The following FAM171A1 variants were observed in gnomAD, a reference collection of about 807,000 sequenced individuals.
The protein encoded by FAM171A1 is family with sequence similarity 171 member A1, also known as protein FAM171A1.
A neutral mutation model predicts 74.9 loss-of-function variants in FAM171A1; 23 were observed. That is an observed-to-expected ratio of 0.31 (90% CI 0.22 to 0.44). FAM171A1 has a LOEUF of 0.44. FAM171A1 is among the 20% of genes least tolerant of loss of function. The pLI is 1.00. For synonymous variants in FAM171A1, 527 were observed against 505.7 expected, an observed-to-expected ratio of 1.04 and a Z score of -0.57; for missense variants, 1,162 against 1,159.2, an observed-to-expected ratio of 1.00 and a Z score of -0.03.
At chr10:15,363,217 T>G (rs1836017403) in intron 1 of FAM171A1, among the ~76,000 whole-genome samples, 1 of 152,206 alleles carries the variant, frequency 6.6e-6, no homozygotes, top group African/African-American at 2.4e-5. Flanking sequence ...AAGGCCGGGC[T>G]TAGTCATCCA....
Position 15,213,374 on chromosome 10 carries a change from G to A in FAM171A1, c.2214C>T (p.Ala738=), listed in dbSNP as rs1346354022. 1 of 1,614,136 alleles carries A rather than the reference G, an allele frequency of 6.2e-7. No homozygotes were observed. Among genetic ancestry groups the A allele is most frequent in the South Asian group, 1.1e-5 (1 of 91,084 alleles). ...TCATATCTACGCCAGAGTCCAAACT[G>A]GCATCATTACTTCCGTTCCTTCCAG... ...QRAGRNGSND[A]SLDSGVDMNE... is the part of the protein sequence containing the mutation. The change falls in exon 8 of 8, where the codon GCC becomes GCT. Residue 738 remains alanine, a synonymous_variant. Transcript: ENST00000378116. The surrounding 1 kb of genome is among the most constrained non-coding windows in gnomAD (Gnocchi z 6.8).
chr10:15,213,723 T>C lies in FAM171A1; in HGVS notation c.1865A>G (p.His622Arg), dbSNP rs758805132. ...GGACGGGTGTGGGAAGATCCCGGCA[T>C]GGGGATTGGACAGCTCAGCCTGTAG... ...ERLQAELSNP[H>R]AGIFPHPSSQ... The change falls in exon 8 of 8, where the codon CAT (histidine) becomes CGT (arginine). Residue 622 changes from histidine to arginine, a missense_variant. Physicochemically the swap from His to Arg is conservative, Grantham distance 29. Coordinates refer to ENST00000378116, the MANE Select transcript of FAM171A1 (RefSeq NM_001010924.2). This position sits in a 1 kb window ranked among gnomAD's most constrained non-coding sequence, Gnocchi z 6.8. 6.2e-7 allele frequency: 1 copy of C among 1,612,582 alleles called. No homozygotes were observed. Among genetic ancestry groups the C allele is most frequent in the Admixed American group, 1.7e-5 (1 of 59,982 alleles).
intron 5 of FAM171A1, among the ~76,000 whole-genome samples, chr10:15,222,898 G>C (rs1834057508): frequency 6.6e-6 from 1 of 152,262 alleles, no homozygotes; most frequent in Non-Finnish European, 1.5e-5. Flanking sequence ...GCTCCAGAAA[G>C]AGCAGACTGT....
At chr10:15,231,859 A>AG (rs1219547208) in intron 5 of FAM171A1, among the ~76,000 whole-genome samples, 1 of 152,112 alleles carries the variant, frequency 6.6e-6, no homozygotes, top group African/African-American at 2.4e-5. Flanking sequence ...CCTAGGTGGA[A>AG]GGGTCTCCTG....
intron 1 of FAM171A1, among the ~76,000 whole-genome samples, chr10:15,312,201 G>A (rs1010181122): frequency 6.6e-6 from 1 of 152,116 alleles, no homozygotes; most frequent in South Asian, 2.1e-4. Context: ...AGGATCAAAA[G>A]CCCCCTGCTT....
intron 1 of FAM171A1, among the ~76,000 whole-genome samples, chr10:15,333,899 G>C (rs1273130472): frequency 1.3e-5 from 2 of 151,576 alleles, no homozygotes; most frequent in African/African-American, 4.8e-5. Flanking sequence ...CACCTATACT[G>C]GCCGTCTTTT....
Position 15,214,238 on chromosome 10 carries a change from A to G in FAM171A1, c.1350T>C (p.Ser450=). ...SQISFDNLTP[S]GTLGKDYHKS... is the part of the protein sequence containing the mutation. ...TATGGTAGTCTTTCCCCAGCGTCCC[A>G]CTTGGAGTGAGGTTATCAAAGGAGA... is the stretch of plus-strand genomic sequence containing the variant. Residue 450 remains serine, a synonymous_variant, in exon 8 of 8, where the codon AGT becomes AGC. Coordinates refer to ENST00000378116, the MANE Select transcript of FAM171A1 (RefSeq NM_001010924.2). 1 of 1,614,090 alleles carries G rather than the reference A, an allele frequency of 6.2e-7. No individual in the cohort carries two copies. The highest frequency in any genetic ancestry group is 8.5e-7 in the Non-Finnish European group (1 of 1,179,986).
intron 5 of FAM171A1, among the ~76,000 whole-genome samples, chr10:15,226,746 G>A (rs186593253): frequency 7.2e-4 from 109 of 152,204 alleles, no homozygotes; most frequent in African/African-American, 2.3e-3. Context: ...GAATACAGAG[G>A]TGGGGATTAT....
At chr10:15,251,900 C>T (rs1188140843) in intron 4 of FAM171A1, among the ~76,000 whole-genome samples, 2 of 152,138 alleles carry the variant, frequency 1.3e-5, no homozygotes, top group Non-Finnish European at 2.9e-5. Flanking sequence ...GCAGCAGGAT[C>T]GTGTTGCGGG....
At chr10:15,318,410 G>C (rs1835448074) in intron 1 of FAM171A1, among the ~76,000 whole-genome samples, 1 of 152,190 alleles carries the variant, frequency 6.6e-6, no homozygotes, top group South Asian at 2.1e-4. Flanking sequence ...TCACGAAGCT[G>C]GTTACTTATC....
chr10:15,345,804 T>C (rs1209367384), intron 1 of FAM171A1, among the ~76,000 whole-genome samples: 1 of 151,962 alleles, frequency 6.6e-6, no homozygotes, highest in Non-Finnish European at 1.5e-5. Flanking sequence ...CAAAGAAGAC[T>C]ACGAAAGGAC....
At chr10:15,335,408 C>A (rs1176092179) in intron 1 of FAM171A1, among the ~76,000 whole-genome samples, 4 of 152,182 alleles carry the variant, frequency 2.6e-5, no homozygotes, top group Admixed American at 1.3e-4. Flanking sequence ...AATAAACTTA[C>A]ATGAACAAAT....
At chr10:15,371,713 A>G (rs895233120), upstream of FAM171A1, among the ~76,000 whole-genome samples, 12 of 152,224 alleles carry the variant, frequency 7.9e-5, no homozygotes, top group African/African-American at 2.9e-4. Flanking sequence ...GAGGAATGGT[A>G]CTTGGATGGT....
intron 1 of FAM171A1, among the ~76,000 whole-genome samples, 181 bp downstream of exon 1, chr10:15,370,775 G>C (rs1295872536): frequency 8.2e-6 from 1 of 122,662 alleles, no homozygotes; most frequent in South Asian, 2.9e-4. Flanking sequence ...CCGCGTCGCC[G>C]GCCCGCGCCG....
chr10:15,269,455 C>T (rs903915881), intron 3 of FAM171A1, among the ~76,000 whole-genome samples: 2 of 151,984 alleles, frequency 1.3e-5, no homozygotes, highest in African/African-American at 4.8e-5. Flanking sequence ...GCTCTTAGCA[C>T]AGAAATGCAT....
chr10:15,215,939 C>A, intron 7 of FAM171A1, 57 bp downstream of exon 7: 1 of 1,106,662 alleles, frequency 9.0e-7, no homozygotes, highest in Non-Finnish European at 1.3e-6. Flanking sequence ...TTCTAAGTAT[C>A]AATTGCCCAA....
chr10:15,374,029 G>A (rs1229693998), upstream of FAM171A1, among the ~76,000 whole-genome samples: 1 of 152,110 alleles, frequency 6.6e-6, no homozygotes, highest in African/African-American at 2.4e-5. Context: ...GGCTTTACTG[G>A]CTCAACCAAA....
rs201873537 is a variant in FAM171A1, at chr10:15,248,771, C to T, written c.622G>A (p.Val208Ile). ...GTTCCATTACTGCTCAGCAAGTGGA[C>T]GCTGACGGCTGTGACTGGGGTCAGG... is the stretch of plus-strand genomic sequence containing the variant. Reference protein sequence around the residue: ...HDLTPVTAVSVHLLSSNGTPV... With the variant: ...HDLTPVTAVSIHLLSSNGTPV... Residue 208 changes from valine to isoleucine, a missense_variant, in exon 5 of 8, where the codon GTC becomes ATC. By Grantham distance (29) the Val-to-Ile change is conservative. Coordinates refer to ENST00000378116, the MANE Select transcript of FAM171A1 (RefSeq NM_001010924.2). 38 of 1,613,012 alleles carry T rather than the reference C, an allele frequency of 2.4e-5. No homozygotes were observed. In the East Asian group the frequency reaches 5.1e-4, roughly 22 times the overall value.
chr10:15,229,767 AT>A, intron 5 of FAM171A1, among the ~76,000 whole-genome samples: 1 of 58,008 alleles, frequency 1.7e-5, no homozygotes. Context: ...CATCACCACC[AT>A]CACCATCATC....
Sources: allele counts gnomAD v4.1 joint callset (sites outside exome capture counted in the v4.1 genomes callset), GRCh38; gene constraint gnomAD v4.1.1; non-coding constraint Gnocchi (gnomAD v3.1); transcripts MANE v1.5; gene names NCBI Gene and HGNC (gene_info 2026-07-23, HGNC 2026-07-21).